The following ADGRL3 variants were observed in gnomAD, a reference collection of about 807,000 sequenced individuals.
The protein encoded by ADGRL3 is calcium-independent alpha-latrotoxin receptor 3.
Under a neutral mutation model 153.5 loss-of-function variants are expected in ADGRL3, and 62 were observed. The observed-to-expected ratio is 0.40, with a 90% CI of 0.33 to 0.50. The LOEUF (loss-of-function observed/expected upper bound fraction) is 0.50, where lower values mean the gene tolerates loss of function less well. ADGRL3 is among the 20% of genes least tolerant of loss of function. The probability of loss-of-function intolerance (pLI) is 0.47; values close to 1 mark genes in which losing one functional copy is unlikely to be tolerated. For synonymous variants in ADGRL3, 710 were observed against 672.5 expected, an observed-to-expected ratio of 1.06 and a Z score of -0.86; for missense variants, 1,641 against 1,859.4, an observed-to-expected ratio of 0.88 and a Z score of 2.16.
intron 1 of ADGRL3, among the ~76,000 whole-genome samples, chr4:61,229,030 C>T (rs1169506772): frequency 6.6e-6 from 1 of 152,124 alleles, no homozygotes. Context: ...AATATGGTAT[C>T]TGGCACATGT....
At chr4:61,683,674 G>C (rs2095387312) in intron 6 of ADGRL3, among the ~76,000 whole-genome samples, 1 of 152,172 alleles carries the variant, frequency 6.6e-6, no homozygotes, top group Non-Finnish European at 1.5e-5. Context: ...GGATCAATCA[G>C]AGGAAAGCGC....
intron 2 of ADGRL3, among the ~76,000 whole-genome samples, chr4:61,389,468 G>C (rs1304933114): frequency 6.6e-6 from 1 of 152,112 alleles, no homozygotes; most frequent in Non-Finnish European, 1.5e-5. Context: ...AAATAGTAAT[G>C]TCTGTTTTTT....
intron 2 of ADGRL3, among the ~76,000 whole-genome samples, chr4:61,395,753 A>G (rs2096861246): frequency 6.6e-6 from 1 of 152,064 alleles, no homozygotes; most frequent in African/African-American, 2.4e-5. Context: ...ATGATAATAT[A>G]TCAGAAAATG....
chr4:61,264,281 G>C (rs2092715294), intron 1 of ADGRL3, among the ~76,000 whole-genome samples: 1 of 151,966 alleles, frequency 6.6e-6, no homozygotes, highest in Non-Finnish European at 1.5e-5. Context: ...AATTGAAATT[G>C]TGTTAGCTTC....
intron 8 of ADGRL3, among the ~76,000 whole-genome samples, chr4:61,803,411 A>G (rs1049303768): frequency 1.3e-5 from 2 of 152,150 alleles, no homozygotes; most frequent in African/African-American, 4.8e-5. Context: ...GATTTAATAC[A>G]TAAATTTTCT....
chr4:61,603,119 A>G (rs1332091492), intron 5 of ADGRL3, among the ~76,000 whole-genome samples: 1 of 152,288 alleles, frequency 6.6e-6, no homozygotes, highest in East Asian at 1.9e-4. Flanking sequence ...GTGACATTTC[A>G]TTCTGTCAAT....
At chr4:61,647,791 T>C (rs969665717) in intron 5 of ADGRL3, among the ~76,000 whole-genome samples, 3 of 152,132 alleles carry the variant, frequency 2.0e-5, no homozygotes, top group African/African-American at 7.2e-5. Flanking sequence ...ATTATATAAA[T>C]AGAAAACATG....
chr4:61,428,677 G>T (rs550434913), intron 2 of ADGRL3, among the ~76,000 whole-genome samples: 3 of 152,112 alleles, frequency 2.0e-5, no homozygotes, highest in Admixed American at 2.0e-4. Context: ...CTGTAAAATT[G>T]GAGTGATAAT....
intron 1 of ADGRL3, among the ~76,000 whole-genome samples, chr4:61,255,060 A>G (rs965263592): frequency 6.6e-6 from 1 of 152,152 alleles, no homozygotes; most frequent in Admixed American, 6.6e-5. Context: ...ATTGCAGCAT[A>G]AATATCATGA....
chr4:61,544,604 T>C (rs1420061015), intron 4 of ADGRL3, among the ~76,000 whole-genome samples: 1 of 152,222 alleles, frequency 6.6e-6, no homozygotes, highest in Admixed American at 6.5e-5. Flanking sequence ...TATTACCTTA[T>C]AAACCATTGT....
intron 4 of ADGRL3, among the ~76,000 whole-genome samples, chr4:61,560,038 C>T (rs2098788019): frequency 2.0e-5 from 3 of 152,058 alleles, no homozygotes; most frequent in Non-Finnish European, 4.4e-5. Flanking sequence ...AGCTTCAAGA[C>T]TCATTCCTTC....
intron 14 of ADGRL3, 123 bp from the exon 15 acceptor site, chr4:61,935,800 A>T: frequency 2.2e-6 from 2 of 900,014 alleles, no homozygotes; most frequent in Non-Finnish European, 3.2e-6. Flanking sequence ...GATTTTCATA[A>T]AGCATGACAA....
At chr4:61,990,614 G>A (rs772219858) in intron 19 of ADGRL3, among the ~76,000 whole-genome samples, 2 of 151,836 alleles carry the variant, frequency 1.3e-5, no homozygotes, top group African/African-American at 2.4e-5. Flanking sequence ...CACTAACATC[G>A]AGATGACCTT....
chr4:61,733,411 G>A lies in ADGRL3; in HGVS notation c.1256G>A (p.Ser419Asn). ...YIYNTDQSKD[S>N]LVDVPFPNSY... ...TACAACACTGACCAAAGCAAGGATA[G>A]TTTGGTGGATGTACCCTTTCCTAAT... is the stretch of plus-strand genomic sequence containing the variant. The change falls in exon 8 of 27, where the codon AGT becomes AAT. Residue 419 changes from serine to asparagine, a missense_variant. Ser to Asn is a conservative substitution (Grantham distance 46). Coordinates refer to ENST00000683033, the MANE Select transcript of ADGRL3 (RefSeq NM_001387552.1). 1 of 1,613,742 alleles carries A rather than the reference G, an allele frequency of 6.2e-7. No homozygotes were observed.
chr4:61,723,423 G>T (rs1327498811), intron 6 of ADGRL3, among the ~76,000 whole-genome samples: 1 of 152,048 alleles, frequency 6.6e-6, no homozygotes, highest in South Asian at 2.1e-4. Flanking sequence ...GAAGAAAAAA[G>T]CTCCCCCATA....
At chr4:61,826,809 C>T (rs566946453) in intron 9 of ADGRL3, among the ~76,000 whole-genome samples, 4 of 149,812 alleles carry the variant, frequency 2.7e-5, no homozygotes, top group African/African-American at 9.8e-5. Context: ...GGAGATATAC[C>T]TAATGTAAAT....
At chr4:61,483,412 A>G (rs1265597198) in intron 2 of ADGRL3, among the ~76,000 whole-genome samples, 1 of 152,216 alleles carries the variant, frequency 6.6e-6, no homozygotes, top group African/African-American at 2.4e-5. Flanking sequence ...TCAATTATGC[A>G]TTCATAGACA....
chr4:61,912,739 T>C lies in ADGRL3; in HGVS notation c.2094T>C (p.Ser698=). 1 of 1,613,216 alleles carries C rather than the reference T, an allele frequency of 6.2e-7. No homozygotes were observed. Among genetic ancestry groups the C allele is most frequent in the South Asian group, 1.1e-5 (1 of 91,056 alleles). ...SLNKLQKRER[S]CRAYVQAMVE... ...TTCAGCTTCAGAAAAGAGAGCGCTC[T>C]TGCAGAGCCTATGTCCAGGTACTTT... is the stretch of plus-strand genomic sequence containing the variant. The change falls in exon 13 of 27, where the codon TCT becomes TCC. Residue 698 remains serine, a synonymous_variant. Coordinates refer to ENST00000683033, the MANE Select transcript of ADGRL3 (RefSeq NM_001387552.1).
At chr4:61,249,399 T>C (rs1056451403) in intron 1 of ADGRL3, among the ~76,000 whole-genome samples, 2 of 152,182 alleles carry the variant, frequency 1.3e-5, no homozygotes, top group African/African-American at 2.4e-5. Flanking sequence ...GTTGTCTTCA[T>C]GATCTGGAGA....
Sources: allele counts gnomAD v4.1 joint callset (sites outside exome capture counted in the v4.1 genomes callset), GRCh38; gene constraint gnomAD v4.1.1; transcripts MANE v1.5; gene names NCBI Gene and HGNC (gene_info 2026-07-23, HGNC 2026-07-21).